The following ADAM7 variants were observed in gnomAD, a reference collection of about 807,000 sequenced individuals.
The protein encoded by ADAM7 is ADAM metallopeptidase domain 7, also known as disintegrin and metalloproteinase domain-containing protein 7.
In ADAM7, 97 loss-of-function variants were observed where a neutral mutation model predicts 102.9. The observed-to-expected ratio is 0.94, with a 90% CI of 0.80 to 1.12. The LOEUF (loss-of-function observed/expected upper bound fraction) is 1.12, where lower values mean the gene tolerates loss of function less well. Ranked by LOEUF, ADAM7 falls within the 50% of genes most tolerant of loss-of-function variation. The pLI, the probability that ADAM7 is intolerant of heterozygous loss-of-function variation, is 0.00. For missense variants in ADAM7, 991 were observed against 908.7 expected (o/e 1.09, Z -1.16); for synonymous variants, 334 against 304.4 (o/e 1.10, Z -1.01).
intron 16 of ADAM7, among the ~76,000 whole-genome samples, chr8:24,498,185 A>C (rs1010399242): frequency 2.1e-4 from 32 of 151,876 alleles, no homozygotes; most frequent in African/African-American, 6.0e-4. Context: ...AGTAAATTCT[A>C]GTTATTAATT....
rs139571010 is a variant in ADAM7, at chr8:24,447,679, G to A, written c.233+417G>A. Among the ~76,000 whole-genome samples the A allele has an allele frequency of 9.7e-4, 147 of 152,244 alleles. 1 individual carries two copies. In the East Asian group the frequency reaches 0.027, roughly 28 times the overall value. ...CTAAGAAATGTAGCGCATTTGCTTC[G>A]TCAAGACATCTTGTGTAACCAAATA... On this transcript the variant is annotated intron_variant, in intron 3 of 21. Transcript: ENST00000175238.
chr8:24,489,955 A>G (rs1820283826), intron 12 of ADAM7, among the ~76,000 whole-genome samples: 1 of 152,214 alleles, frequency 6.6e-6, no homozygotes, highest in Non-Finnish European at 1.5e-5. Context: ...GTGCAGATGA[A>G]TCACCAGGGG....
In ADAM7 at chr8:24,501,497, GA is replaced by G. The variant is rs1318406823; in HGVS notation, c.2130del (p.Val711TrpfsTer13). 6 of 1,608,428 alleles carry G rather than the reference GA, an allele frequency of 3.7e-6. No homozygotes were observed. Among genetic ancestry groups the G allele is most frequent in the Non-Finnish European group, 5.1e-6 (6 of 1,178,026 alleles). On this transcript the variant is annotated frameshift_variant, in exon 20 of 22. Coordinates refer to ENST00000175238, the MANE Select transcript of ADAM7 (RefSeq NM_003817.4). LOFTEE classifies it high-confidence loss of function. ...GACAGCCCACCTACAGAAACCCTGG[GA>G]GTGGAGAACAAAGGATACTTTGGTG... The part of the protein sequence containing the change: ...QVQSPPTETL[G>X]VENKGYFGDE...
At chr8:24,449,689 A>G (rs1419073231) in intron 3 of ADAM7, among the ~76,000 whole-genome samples, 2 of 152,064 alleles carry the variant, frequency 1.3e-5, no homozygotes, top group African/African-American at 4.8e-5. Context: ...TTTTGTTGCC[A>G]TTGCTTTTGG....
At chr8:24,442,153 G>A (rs1375859525) in intron 1 of ADAM7, among the ~76,000 whole-genome samples, 1 of 152,094 alleles carries the variant, frequency 6.6e-6, no homozygotes, top group Non-Finnish European at 1.5e-5. Flanking sequence ...CAGCCTGGCT[G>A]ACAGAGCGAG....
At chr8:24,485,480 C>A in intron 10 of ADAM7, 119 bp downstream of exon 10, 1 of 736,648 alleles carries the variant, frequency 1.4e-6, no homozygotes, top group Non-Finnish European at 2.2e-6. Flanking sequence ...TAAGATATGT[C>A]ATGAACAGAC....
At position 24,491,904 on chromosome 8, in the gene ADAM7, T is replaced by TA. The variant is rs761460827; in HGVS notation, c.1365dup (p.Ala456SerfsTer11). 18 of 1,594,842 alleles carry TA rather than the reference T, an allele frequency of 1.1e-5. No individual in the cohort carries two copies. The highest frequency in any genetic ancestry group is 1.7e-4 in the Middle Eastern group (1 of 6,008). ...AGTCTCTTTGTTTTTCCTCAACAGATAAAAAAAGCAGGGTCCATATGCAGA... is the reference window on the plus strand; with the variant it reads ...AGTCTCTTTGTTTTTCCTCAACAGATAAAAAAAAGCAGGGTCCATATGCAGA... On this transcript the variant is annotated frameshift_variant and splice_region_variant, in exon 14 of 22. Coordinates refer to ENST00000175238, the MANE Select transcript of ADAM7 (RefSeq NM_003817.4). LOFTEE classifies it high-confidence loss of function.
intron 3 of ADAM7, among the ~76,000 whole-genome samples, chr8:24,461,872 T>C (rs1221083833): frequency 6.6e-6 from 1 of 152,218 alleles, no homozygotes; most frequent in Non-Finnish European, 1.5e-5. Context: ...TTCTACATTT[T>C]TGCATGCATT....
At chr8:24,483,559 C>T (rs1191761817) in intron 9 of ADAM7, among the ~76,000 whole-genome samples, 1 of 152,166 alleles carries the variant, frequency 6.6e-6, no homozygotes, top group Non-Finnish European at 1.5e-5. Flanking sequence ...AGATTCAGTC[C>T]TTTGGCAGAT....
intron 3 of ADAM7, among the ~76,000 whole-genome samples, chr8:24,463,203 A>C (rs1819308691): frequency 6.6e-6 from 1 of 152,140 alleles, no homozygotes; most frequent in African/African-American, 2.4e-5. Flanking sequence ...TGTGTTTTGC[A>C]CTGAGTTTTG....
chr8:24,453,590 G>C (rs1818885132), intron 3 of ADAM7, among the ~76,000 whole-genome samples: 1 of 152,056 alleles, frequency 6.6e-6, no homozygotes, highest in South Asian at 2.1e-4. Flanking sequence ...TTTGCCTTTG[G>C]TTTGAATTTC....
chr8:24,457,793 C>T (rs1480102600), intron 3 of ADAM7, among the ~76,000 whole-genome samples: 2 of 151,644 alleles, frequency 1.3e-5, no homozygotes, highest in East Asian at 1.9e-4. Flanking sequence ...TGCTTCTAAG[C>T]TCTTCATAGT....
intron 3 of ADAM7, among the ~76,000 whole-genome samples, chr8:24,458,262 T>C (rs556708434): frequency 8.5e-5 from 13 of 152,346 alleles, no homozygotes; most frequent in Admixed American, 4.6e-4. Flanking sequence ...ACTGACTCTA[T>C]AGATAAGTTT....
At chr8:24,487,357 C>A in intron 11 of ADAM7, 40 bp downstream of exon 11, 1 of 1,598,214 alleles carries the variant, frequency 6.3e-7, no homozygotes, top group South Asian at 1.1e-5. Flanking sequence ...TTACATAATT[C>A]AGAAGTGGGC....
In ADAM7 at chr8:24,485,350, AG is replaced by A. The variant is rs766685748; in HGVS notation, c.950del (p.Ser317IlefsTer12). The A allele has an allele frequency of 1.2e-6, 2 of 1,613,180 alleles. No homozygotes were observed. Among genetic ancestry groups the A allele is most frequent in the Non-Finnish European group, 1.7e-6 (2 of 1,179,346 alleles). On this transcript the variant is annotated frameshift_variant, in exon 10 of 22. Coordinates refer to ENST00000175238, the MANE Select transcript of ADAM7 (RefSeq NM_003817.4). LOFTEE classifies it high-confidence loss of function. ...GGMCLPYYSTSIIKDLLPDTN... is the reference protein window; with the variant it reads ...GGMCLPYYSTXIIKDLLPDTN... ...TATGTGCCTGCCCTATTATTCCACC[AG>A]TATCATTAAGGTGGGCTGTGTTTTA...
At chr8:24,479,857 G>T (rs1216226484) in intron 8 of ADAM7, among the ~76,000 whole-genome samples, 4 of 152,178 alleles carry the variant, frequency 2.6e-5, no homozygotes, top group Non-Finnish European at 4.4e-5. Flanking sequence ...AGGCACACTT[G>T]TTGGCCCTAT....
At chr8:24,474,154 A>G (rs1193094796) in intron 7 of ADAM7, among the ~76,000 whole-genome samples, 1 of 152,134 alleles carries the variant, frequency 6.6e-6, no homozygotes, top group African/African-American at 2.4e-5. Flanking sequence ...ATCTTAATTG[A>G]AAAGATGTAA....
chr8:24,485,862 T>G (rs551078926), intron 10 of ADAM7, among the ~76,000 whole-genome samples: 1 of 152,266 alleles, frequency 6.6e-6, no homozygotes, highest in East Asian at 1.9e-4. Flanking sequence ...TAGTAAATGT[T>G]GTCCAAGTAA....
intron 16 of ADAM7, among the ~76,000 whole-genome samples, chr8:24,497,926 G>C (rs956184454): frequency 6.6e-6 from 1 of 152,048 alleles, no homozygotes; most frequent in African/African-American, 2.4e-5. Context: ...GAACATAATT[G>C]TTGGGACCCT....
Sources: gnomAD v4.1 joint callset for allele counts (sites outside exome capture counted in the v4.1 genomes callset) on GRCh38, gnomAD v4.1.1 for gene constraint, MANE v1.5 for transcripts, NCBI Gene and HGNC (gene_info 2026-07-23, HGNC 2026-07-21) for gene names.